KCNH7: variants seen among roughly 807,000 people sequenced by gnomAD.
The protein encoded by KCNH7 is voltage-gated inwardly rectifying potassium channel KCNH7.
A neutral mutation model predicts 120.8 loss-of-function variants in KCNH7; 49 were observed. The ratio of observed to expected loss-of-function variants is 0.41; its 90% confidence interval spans 0.32 to 0.51. KCNH7 has a LOEUF of 0.51. Among genes scored for constraint, KCNH7 ranks in the 20% least tolerant of loss-of-function variants. The probability of loss-of-function intolerance (pLI) is 0.38; values close to 1 mark genes in which losing one functional copy is unlikely to be tolerated. For synonymous variants in KCNH7, 547 were observed against 516.1 expected (o/e 1.06, Z -0.81); for missense variants, 1,097 against 1,446.6 (o/e 0.76, Z 3.92).
chr2:162,805,427 T>A (rs960763211), intron 2 of KCNH7, among the ~76,000 whole-genome samples: 1 of 151,882 alleles, frequency 6.6e-6, no homozygotes, highest in South Asian at 2.1e-4. Flanking sequence ...GCAAAGGACA[T>A]GAATAGACAT....
intron 2 of KCNH7, among the ~76,000 whole-genome samples, chr2:162,703,891 T>C (rs1264591729): frequency 6.6e-6 from 1 of 152,156 alleles, no homozygotes; most frequent in East Asian, 1.9e-4. Context: ...AAACAGAAGA[T>C]GCTTTGATCA....
intron 1 of KCNH7, 140 bp downstream of exon 1, chr2:162,838,303 C>T (rs1422645984): frequency 4.6e-6 from 3 of 648,076 alleles, no homozygotes; most frequent in Admixed American, 2.7e-5. Context: ...CGCTGCCATT[C>T]GAACCTCCTG....
intron 6 of KCNH7, among the ~76,000 whole-genome samples, chr2:162,463,572 AAT>A (rs2105612836): frequency 6.6e-6 from 1 of 152,104 alleles, no homozygotes; most frequent in African/African-American, 2.4e-5. Flanking sequence ...GTAAAAAGTC[AAT>A]ATATTATTTT....
intron 2 of KCNH7, among the ~76,000 whole-genome samples, chr2:162,570,875 A>C (rs1319683601): frequency 1.3e-5 from 2 of 152,138 alleles, no homozygotes; most frequent in Non-Finnish European, 2.9e-5. Flanking sequence ...TCAATAAATT[A>C]GGTATTGATG....
intron 2 of KCNH7, among the ~76,000 whole-genome samples, chr2:162,637,232 A>G (rs1444543333): frequency 6.6e-6 from 1 of 151,932 alleles, no homozygotes; most frequent in Non-Finnish European, 1.5e-5. Flanking sequence ...GTCTCTTTCC[A>G]TATCATTTAA....
intron 2 of KCNH7, among the ~76,000 whole-genome samples, chr2:162,777,190 T>C: frequency 6.6e-6 from 1 of 152,118 alleles, no homozygotes; most frequent in African/African-American, 2.4e-5. Flanking sequence ...GGAAGATTGG[T>C]TCCAGGAACC....
chr2:162,829,011 A>G (rs1163323679), intron 2 of KCNH7, among the ~76,000 whole-genome samples: 1 of 152,180 alleles, frequency 6.6e-6, no homozygotes, highest in East Asian at 1.9e-4. Flanking sequence ...GCTATCATGG[A>G]AAGAGCCCAT....
chr2:162,814,755 C>T (rs1684860122), intron 2 of KCNH7, among the ~76,000 whole-genome samples: 1 of 152,186 alleles, frequency 6.6e-6, no homozygotes, highest in African/African-American at 2.4e-5. Flanking sequence ...AGATAACCCT[C>T]TTGAACTTAT....
chr2:162,590,680 T>C (rs1694181379), intron 2 of KCNH7, among the ~76,000 whole-genome samples: 1 of 152,160 alleles, frequency 6.6e-6, no homozygotes, highest in Non-Finnish European at 1.5e-5. Flanking sequence ...GGAAGTCTTC[T>C]AAATTAGAGC....
At chr2:162,774,057 T>C (rs1683153132) in intron 2 of KCNH7, among the ~76,000 whole-genome samples, 1 of 152,134 alleles carries the variant, frequency 6.6e-6, no homozygotes, top group African/African-American at 2.4e-5. Flanking sequence ...GTGTCATGGA[T>C]TAGTGATTTC....
At chr2:162,530,194 C>T (rs891204782) in intron 3 of KCNH7, among the ~76,000 whole-genome samples, 9 of 151,880 alleles carry the variant, frequency 5.9e-5, no homozygotes, top group Non-Finnish European at 1.5e-5. Flanking sequence ...ATGTATGGAG[C>T]CCAATGTATC....
At chr2:162,442,734 G>T (rs997311396) in intron 7 of KCNH7, among the ~76,000 whole-genome samples, 2 of 152,088 alleles carry the variant, frequency 1.3e-5, no homozygotes, top group Non-Finnish European at 2.9e-5. Context: ...GTGTCTGCCT[G>T]TAGTCCCAGC....
intron 7 of KCNH7, among the ~76,000 whole-genome samples, chr2:162,444,501 G>A (rs1022202044): frequency 6.6e-6 from 1 of 152,014 alleles, no homozygotes; most frequent in African/African-American, 2.4e-5. Context: ...ATCTACATTG[G>A]CAGCAGTACT....
rs1340704457 is a variant in KCNH7, at chr2:162,518,079, A to G, written c.543T>C (p.Asp181=). 1.9e-6 allele frequency: 3 copies of G among 1,612,306 alleles called. No individual in the cohort carries two copies. Among genetic ancestry groups the G allele is most frequent in the Non-Finnish European group, 1.7e-6 (2 of 1,178,780 alleles). The change falls in exon 4 of 16, where the codon GAT becomes GAC. Residue 181 remains aspartate (D), a synonymous_variant. Coordinates refer to ENST00000332142, the MANE Select transcript of KCNH7 (RefSeq NM_033272.4). ...GTTTAGATGAATCGATGACCACCACATCGGGGTCTTCTTGTGGTAAGGACT... is the reference window on the plus strand; with the variant it reads ...GTTTAGATGAATCGATGACCACCACGTCGGGGTCTTCTTGTGGTAAGGACT... ...RKQSLPQEDP[D]VVVIDSSKHS...
chr2:162,760,525 A>G (rs570188271), intron 2 of KCNH7, among the ~76,000 whole-genome samples: 1 of 152,202 alleles, frequency 6.6e-6, no homozygotes, highest in African/African-American at 2.4e-5. Flanking sequence ...TTAAGAGAAT[A>G]ATCACTTAGT....
At chr2:162,449,390 T>G (rs1469229731) in intron 6 of KCNH7, among the ~76,000 whole-genome samples, 1 of 152,082 alleles carries the variant, frequency 6.6e-6, no homozygotes, top group African/African-American at 2.4e-5. Context: ...CTTATAACTC[T>G]TAATATGACT....
intron 2 of KCNH7, among the ~76,000 whole-genome samples, chr2:162,599,211 T>G (rs893694702): frequency 6.6e-6 from 1 of 151,044 alleles, no homozygotes; most frequent in African/African-American, 2.4e-5. Context: ...TCTCAAAAAA[T>G]AAATAAATAA....
At chr2:162,506,528 C>T (rs1436180135) in intron 5 of KCNH7, among the ~76,000 whole-genome samples, 5 of 151,750 alleles carry the variant, frequency 3.3e-5, no homozygotes, top group Non-Finnish European at 7.4e-5. Flanking sequence ...ATTTAACTAA[C>T]AGGGATACTA....
intron 2 of KCNH7, among the ~76,000 whole-genome samples, chr2:162,645,359 G>A (rs1195270090): frequency 6.6e-6 from 1 of 152,058 alleles, no homozygotes; most frequent in Non-Finnish European, 1.5e-5. Flanking sequence ...TCTTGGCCAG[G>A]ATGATCTCCA....
Sources: gnomAD v4.1 joint callset for allele counts (sites outside exome capture counted in the v4.1 genomes callset) on GRCh38, gnomAD v4.1.1 for gene constraint, MANE v1.5 for transcripts, NCBI Gene and HGNC (gene_info 2026-07-23, HGNC 2026-07-21) for gene names.